Variants in OGDH observed in about 807,000 individuals in gnomAD.
The protein encoded by OGDH is oxoglutarate dehydrogenase.
A neutral mutation model predicts 116.6 loss-of-function variants in OGDH; 38 were observed. The ratio of observed to expected loss-of-function variants is 0.33; its 90% confidence interval spans 0.25 to 0.43. The LOEUF is 0.43. Among genes scored for constraint, OGDH ranks in the 20% least tolerant of loss-of-function variants. OGDH has a pLI of 1.00. For synonymous variants in OGDH, 488 were observed against 533.3 expected, an observed-to-expected ratio of 0.92 and a Z score of 1.17; for missense variants, 825 against 1,357.2, an observed-to-expected ratio of 0.61 and a Z score of 6.16.
intron 10 of OGDH, among the ~76,000 whole-genome samples, chr7:44,687,091 A>ATTT (rs59074567): frequency 9.7e-4 from 93 of 95,538 alleles, no homozygotes; most frequent in African/African-American, 1.3e-3. Flanking sequence ...ATTTTTTTTA[A>ATTT]TTTTTTTTTT....
At chr7:44,677,047 A>G (rs920428831) in intron 9 of OGDH, among the ~76,000 whole-genome samples, 1 of 152,178 alleles carries the variant, frequency 6.6e-6, no homozygotes, top group Non-Finnish European at 1.5e-5. Context: ...TTGTGTAGAA[A>G]TAGTCTCAAC....
In OGDH at chr7:44,676,080, C is replaced by T. The variant is rs145890791; in HGVS notation, c.1137C>T (p.Ala379=). ...TGGCCAACCCTTCCCACCTTGAGGC[C>T]GCTGACCCCGTGGTGATGGGCAAGA... The part of the protein sequence containing the change: ...SLVANPSHLE[A]ADPVVMGKTK... Residue 379 remains alanine, a synonymous_variant, in exon 9 of 23, where the codon GCC becomes GCT. Coordinates refer to ENST00000222673, the MANE Select transcript of OGDH (RefSeq NM_002541.4). The T allele has an allele frequency of 1.4e-4, 223 of 1,613,956 alleles. No individual in the cohort carries two copies. The African/African-American group carries it at 2.5e-3, about 18-fold the overall frequency.
At chr7:44,687,091 ATTTTTT>A (rs59074567) in intron 10 of OGDH, among the ~76,000 whole-genome samples, 4 of 95,532 alleles carry the variant, frequency 4.2e-5, no homozygotes, top group East Asian at 3.2e-4. Flanking sequence ...ATTTTTTTTA[ATTTTTT>A]TTTTTTTTTT....
chr7:44,614,303 G>GTTTTTTTTTTTTTTTTTT (rs1223054626), intron 1 of OGDH, among the ~76,000 whole-genome samples: 4 of 112,608 alleles, frequency 3.6e-5, no homozygotes, highest in Non-Finnish European at 3.8e-5. Context: ...GGTTTTTTTT[G>GTTTTTTTTTTTTTTTTTT]TTTTTTTTGT....
At chr7:44,674,927 AGG>A (rs1787623283) in intron 7 of OGDH, among the ~76,000 whole-genome samples, 1 of 152,156 alleles carries the variant, frequency 6.6e-6, no homozygotes, top group African/African-American at 2.4e-5. Flanking sequence ...GGGAGGGAGA[AGG>A]GTAAGGAAGC....
At chr7:44,662,704 G>GC (rs1411369893) in intron 4 of OGDH, among the ~76,000 whole-genome samples, 1 of 152,002 alleles carries the variant, frequency 6.6e-6, no homozygotes, top group South Asian at 2.1e-4. Flanking sequence ...CTCATGATCT[G>GC]CCCCACCTCG....
At chr7:44,620,322 G>C (rs887679153) in intron 1 of OGDH, among the ~76,000 whole-genome samples, 1 of 152,204 alleles carries the variant, frequency 6.6e-6, no homozygotes. Flanking sequence ...CTCCTGGCCA[G>C]ATTTTTTATT....
chr7:44,663,973 G>A (rs987755975), intron 4 of OGDH, among the ~76,000 whole-genome samples: 1 of 151,912 alleles, frequency 6.6e-6, no homozygotes, highest in Non-Finnish European at 1.5e-5. Context: ...ATTGTTTGAT[G>A]ATGACTGTTC....
intron 9 of OGDH, 188 bp downstream of exon 9, chr7:44,676,337 CCT>C: frequency 7.4e-7 from 1 of 1,344,010 alleles, no homozygotes; most frequent in African/African-American, 1.5e-5. Context: ...GGGCAGATCA[CCT>C]GAGTTCGGGA....
chr7:44,678,059 G>A (rs1170932006), intron 9 of OGDH, among the ~76,000 whole-genome samples: 1 of 152,096 alleles, frequency 6.6e-6, no homozygotes, highest in East Asian at 1.9e-4. Flanking sequence ...TGTAAAGAAC[G>A]AGTATGACCC....
chr7:44,613,426 T>G lies in OGDH; in HGVS notation c.-28+6773T>G, dbSNP rs543482319. On this transcript the variant is annotated intron_variant, in intron 1 of 22. Coordinates refer to ENST00000222673, the MANE Select transcript of OGDH (RefSeq NM_002541.4). ...CCCAGGCTGGAGTGCAGTGATGCGA[T>G]CTTGGCTCACCGCAAGCTCTGCCAC... is the stretch of plus-strand genomic sequence containing the variant. Among the ~76,000 whole-genome samples, 9 of 152,352 alleles carry G rather than the reference T, an allele frequency of 5.9e-5. No homozygotes were observed. In the East Asian group the frequency reaches 1.7e-3, roughly 29 times the overall value.
At chr7:44,651,713 C>T (rs554854591) in intron 4 of OGDH, among the ~76,000 whole-genome samples, 1 of 151,898 alleles carries the variant, frequency 6.6e-6, no homozygotes, top group South Asian at 2.1e-4. Flanking sequence ...AGGCACCCAT[C>T]ATCATGTCCA....
chr7:44,701,268 A>G (rs539598610), intron 19 of OGDH, among the ~76,000 whole-genome samples: 1 of 152,244 alleles, frequency 6.6e-6, no homozygotes, highest in South Asian at 2.1e-4. Flanking sequence ...TTTCCTAGGT[A>G]CAGAGAAGCA....
At chr7:44,636,926 T>C (rs552162916) in intron 2 of OGDH, among the ~76,000 whole-genome samples, 1 of 152,094 alleles carries the variant, frequency 6.6e-6, no homozygotes, top group East Asian at 1.9e-4. Flanking sequence ...TGGCTGTGAG[T>C]GGGGTGGGGG....
rs989182024 is a variant in OGDH, at chr7:44,697,771, A to G, written c.2347A>G (p.Met783Val). 1 of 1,613,526 alleles carries G rather than the reference A, an allele frequency of 6.2e-7. No homozygotes were observed. Among genetic ancestry groups the G allele is most frequent in the African/African-American group, 1.3e-5 (1 of 74,926 alleles). Residue 783 changes from methionine to valine, a missense_variant, in exon 17 of 23, where the codon ATG becomes GTG. Around this residue, in one of 7 missense-constraint regions of OGDH, gnomAD observed 73 missense variants for 182.3 expected, o/e 0.40. Transcript: ENST00000222673. The surrounding 1 kb of genome is among the most constrained non-coding windows in gnomAD (Gnocchi z 6.0). Reference sequence around the variant, plus strand: ...CATCGTGTTGCTGCTGCCCCATGGCATGGAGGGCATGGTGAGCCTCTGGCC... The same window carrying G: ...CATCGTGTTGCTGCTGCCCCATGGCGTGGAGGGCATGGTGAGCCTCTGGCC... ...NGIVLLLPHGMEGMGPEHSSA... is the reference protein window; with the variant it reads ...NGIVLLLPHGVEGMGPEHSSA...
chr7:44,651,388 C>T (rs1208361464), intron 4 of OGDH, among the ~76,000 whole-genome samples: 2 of 152,144 alleles, frequency 1.3e-5, no homozygotes, highest in East Asian at 1.9e-4. Context: ...TAGACTCTTA[C>T]CAGTTAGGAG....
rs1562653270 is a variant in OGDH at position 44,666,769 on chromosome 7, A to C, written c.551A>C (p.Lys184Thr). ...GGCCTGGATGAGTCTGACCTCGACAAGGTCTTCCACTTGCCCACCACCACT... is the reference window on the plus strand; with the variant it reads ...GGCCTGGATGAGTCTGACCTCGACACGGTCTTCCACTTGCCCACCACCACT... Reference protein sequence around the residue: ...FYGLDESDLDKVFHLPTTTFI... With the variant: ...FYGLDESDLDTVFHLPTTTFI... Residue 184 changes from lysine (K) to threonine (T), a missense_variant, in exon 5 of 23, where the codon AAG (lysine) becomes ACG (threonine). By Grantham distance (78) the Lys-to-Thr change is moderately conservative. This residue lies in a region of OGDH where 171 missense variants were observed against 276.8 expected (regional missense o/e 0.62). Coordinates refer to ENST00000222673, the MANE Select transcript of OGDH (RefSeq NM_002541.4). The C allele has an allele frequency of 6.2e-7, 1 of 1,613,130 alleles. No individual in the cohort carries two copies. The highest frequency in any genetic ancestry group is 1.3e-5 in the African/African-American group (1 of 74,934).
At chr7:44,664,278 A>C (rs1272731191) in intron 4 of OGDH, among the ~76,000 whole-genome samples, 1 of 151,870 alleles carries the variant, frequency 6.6e-6, no homozygotes, top group Non-Finnish European at 1.5e-5. Context: ...GGATTAGGGG[A>C]AGGGGCTGAT....
At chr7:44,691,122 G>A (rs1226414803) in intron 10 of OGDH, among the ~76,000 whole-genome samples, 1 of 152,198 alleles carries the variant, frequency 6.6e-6, no homozygotes, top group African/African-American at 2.4e-5. Flanking sequence ...TGTAGAAGGA[G>A]AGGAAGTAAC....
Sources: gnomAD v4.1 joint callset for allele counts (sites outside exome capture counted in the v4.1 genomes callset) on GRCh38, gnomAD v4.1.1 for gene constraint, gnomAD v4.1.1 regional missense constraint, Gnocchi (gnomAD v3.1) non-coding constraint, MANE v1.5 for transcripts, NCBI Gene and HGNC (gene_info 2026-07-23, HGNC 2026-07-21) for gene names.